The following PSMG3 variants were observed in gnomAD, a reference collection of about 807,000 sequenced individuals.
PSMG3 encodes the protein PAC-3.
A neutral mutation model predicts 7.9 loss-of-function variants in PSMG3; 4 were observed. The ratio of observed to expected loss-of-function variants is 0.51; its 90% CI spans 0.25 to 1.16. The LOEUF (loss-of-function observed/expected upper bound fraction) is 1.16. PSMG3 is among the 50% of genes most tolerant of loss of function. The pLI, the probability that PSMG3 is intolerant of heterozygous loss-of-function variation, is 0.15. For missense variants in PSMG3, 151 were observed against 157.4 expected (o/e 0.96, Z 0.22); for synonymous variants, 81 against 69.8 (o/e 1.16, Z -0.80).
In PSMG3 at chr7:1,567,425, A is replaced by G; in HGVS notation, c.*273T>C. ...GGCCATGAGCCACGCCTGCTGACTC[A>G]TTCCTCCAATTCTCAAACACAAGCA... On this transcript the variant is annotated 3_prime_UTR_variant, in exon 2 of 2. Coordinates refer to ENST00000288607, the MANE Select transcript of PSMG3 (RefSeq NM_032302.4). 1 of 352,896 alleles carries G rather than the reference A, an allele frequency of 2.8e-6. No homozygotes were observed. The highest frequency in any genetic ancestry group is 5.1e-6 in the Non-Finnish European group (1 of 196,740). 21.9% of individuals were successfully genotyped at this position (352,896 alleles called of 1,614,324 possible).
Position 1,567,397 on chromosome 7 carries a change from G to T in PSMG3, c.*301C>A, listed in dbSNP as rs550563429. 4 of 313,054 alleles carry T rather than the reference G, an allele frequency of 1.3e-5. No individual in the cohort carries two copies. Among genetic ancestry groups the T allele is most frequent in the African/African-American group, 2.1e-5 (1 of 46,568 alleles). 19.4% of individuals were successfully genotyped at this position (313,054 alleles called of 1,614,324 possible). A position where few individuals can be genotyped will look rare whatever the true frequency, so the allele number is the denominator to read the frequency against. Reference sequence around the variant, plus strand: ...CTCCTACAATTGATCCTGCACACGGGGGGGCCATGAGCCACGCCTGCTGAC... The same window carrying T: ...CTCCTACAATTGATCCTGCACACGGTGGGGCCATGAGCCACGCCTGCTGAC... On this transcript the variant is annotated 3_prime_UTR_variant, in exon 2 of 2. Coordinates refer to ENST00000288607, the MANE Select transcript of PSMG3 (RefSeq NM_032302.4).
chr7:1,567,422 C>T lies in PSMG3; in HGVS notation c.*276G>A, dbSNP rs535589739. On this transcript the variant is annotated 3_prime_UTR_variant, in exon 2 of 2. Coordinates refer to ENST00000288607, the MANE Select transcript of PSMG3 (RefSeq NM_032302.4). ...GGGGGCCATGAGCCACGCCTGCTGA[C>T]TCATTCCTCCAATTCTCAAACACAA... 55 of 350,838 alleles carry T rather than the reference C, an allele frequency of 1.6e-4. 1 individual carries two copies. The highest frequency in any genetic ancestry group is 1.1e-3 in the African/African-American group (52 of 47,548). 21.7% of individuals were successfully genotyped at this position (350,838 alleles called of 1,614,324 possible).
At chr7:1,569,093 T>C (rs772801521) in intron 1 of PSMG3, 31 bp downstream of exon 1, 1 of 1,598,660 alleles carries the variant, frequency 6.3e-7, no homozygotes, top group Non-Finnish European at 8.6e-7. Context: ...GTTACAGGCG[T>C]GAGCCACAGT....
Position 1,569,216 on chromosome 7 carries a change from T to A in PSMG3, c.124A>T (p.Met42Leu). ...ILVVVTQFGK[M>L]GTLVSLEPSS... ...GGCTCCAGGGAGACCAGGGTGCCCA[T>A]CTTCCCAAACTGGGTCACCACCACC... Residue 42 changes from methionine (M) to leucine (L), a missense_variant, in exon 1 of 2, where the codon ATG becomes TTG. Met to Leu is a conservative substitution (Grantham distance 15). Coordinates refer to ENST00000288607, the MANE Select transcript of PSMG3 (RefSeq NM_032302.4). The A allele has an allele frequency of 1.2e-6, 2 of 1,613,696 alleles. No individual in the cohort carries two copies. Among genetic ancestry groups the A allele is most frequent in the Non-Finnish European group, 1.7e-6 (2 of 1,180,012 alleles).
At position 1,569,159 on chromosome 7, in the gene PSMG3, C is replaced by T. The variant is rs533954150; in HGVS notation, c.181G>A (p.Val61Met). 1 of 1,613,560 alleles carries T rather than the reference C, an allele frequency of 6.2e-7. No individual in the cohort carries two copies. The highest frequency in any genetic ancestry group is 2.2e-5 in the East Asian group (1 of 44,882). The change falls in exon 1 of 2, where the codon GTG (valine) becomes ATG (methionine). Residue 61 changes from valine (V) to methionine (M), a missense_variant. Coordinates refer to ENST00000288607, the MANE Select transcript of PSMG3 (RefSeq NM_032302.4). The stretch of plus-strand genomic sequence containing the variant: ...CCCAGAAGGACTTTTGTGGTGAGCA[C>T]AGGCTTGCTGACGTCACTGGCCACG... ...SSVASDVSKP[V>M]LTTKVLLGQD...
In PSMG3 at chr7:1,569,244, G is replaced by T; in HGVS notation, c.96C>A (p.Ile32=). The change falls in exon 1 of 2, where the codon ATC becomes ATA. Residue 32 remains isoleucine, a synonymous_variant. Transcript: ENST00000288607. ...TCCCAAACTGGGTCACCACCACCAG[G>T]ATGTGACTGCTGAAGGCCGTACACA... is the stretch of plus-strand genomic sequence containing the variant. ...QVVCTAFSSH[I]LVVVTQFGKM... 2 of 1,613,778 alleles carry T rather than the reference G, an allele frequency of 1.2e-6. No individual in the cohort carries two copies. Among genetic ancestry groups the T allele is most frequent in the Non-Finnish European group, 1.7e-6 (2 of 1,180,014 alleles).
At position 1,567,964 on chromosome 7, in the gene PSMG3, C is replaced by A; in HGVS notation, c.217-114G>T. On this transcript the variant is annotated intron_variant, in intron 1 of 1. Transcript: ENST00000288607. ...GGCAGGCTTCCCACACCACCATTAA[C>A]CGCCACATAAGTCCATGCAACTGTG... The A allele has an allele frequency of 9.5e-6, 9 of 946,300 alleles. No individual in the cohort carries two copies. In the South Asian group the frequency reaches 1.2e-4, roughly 12 times the overall value. The allele number at this position is 946,300 out of a possible 1,614,324, so 58.6% of individuals were successfully genotyped here.
In PSMG3 at chr7:1,567,627, A is replaced by G; in HGVS notation, c.*71T>C. On this transcript the variant is annotated 3_prime_UTR_variant, in exon 2 of 2. Transcript: ENST00000288607. Reference sequence around the variant, plus strand: ...TCCCTCCACCGGGGAGGGAGGTGAGACTTGAGTCCCTGAGTGGGTGTCTGG... The same window carrying G: ...TCCCTCCACCGGGGAGGGAGGTGAGGCTTGAGTCCCTGAGTGGGTGTCTGG... 2.0e-6 allele frequency: 3 copies of G among 1,480,620 alleles called. No individual in the cohort carries two copies. The highest frequency in any genetic ancestry group is 2.7e-6 in the Non-Finnish European group (3 of 1,101,324). The allele number at this position is 1,480,620 out of a possible 1,614,324, so 91.7% of individuals were successfully genotyped here.
Position 1,567,431 on chromosome 7 carries a change from C to A in PSMG3, c.*267G>T. The stretch of plus-strand genomic sequence containing the variant: ...GAGCCACGCCTGCTGACTCATTCCT[C>A]CAATTCTCAAACACAAGCAACGATT... On this transcript the variant is annotated 3_prime_UTR_variant, in exon 2 of 2. Coordinates refer to ENST00000288607, the MANE Select transcript of PSMG3 (RefSeq NM_032302.4). The A allele has an allele frequency of 2.8e-6, 1 of 361,420 alleles. No homozygotes were observed. The highest frequency in any genetic ancestry group is 4.3e-5 in the East Asian group (1 of 23,070). 22.4% of individuals were successfully genotyped at this position (361,420 alleles called of 1,614,324 possible).
Position 1,567,647 on chromosome 7 carries a change from G to A in PSMG3, c.*51C>T. 1 of 1,559,796 alleles carries A rather than the reference G, an allele frequency of 6.4e-7. No homozygotes were observed. Among genetic ancestry groups the A allele is most frequent in the Non-Finnish European group, 8.7e-7 (1 of 1,150,274 alleles). On this transcript the variant is annotated 3_prime_UTR_variant, in exon 2 of 2. Transcript: ENST00000288607. ...GTGAGACTTGAGTCCCTGAGTGGGT[G>A]TCTGGGTGTTCACGTGTCCTGCTGA...
At position 1,567,766 on chromosome 7, in the gene PSMG3, C is replaced by T. The variant is rs140710959; in HGVS notation, c.301G>A (p.Val101Met). Residue 101 changes from valine (V) to methionine (M), a missense_variant, in exon 2 of 2, where the codon GTG becomes ATG. By Grantham distance (21) the Val-to-Met change is conservative. Coordinates refer to ENST00000288607, the MANE Select transcript of PSMG3 (RefSeq NM_032302.4). ...GNRAVLLAVA[V>M]KDKSMEGLKA... Reference sequence around the variant, plus strand: ...AGCCCCTCCATGCTTTTGTCCTTCACGGCCACGGCGAGGAGGACTGCTCTG... The same window carrying T: ...AGCCCCTCCATGCTTTTGTCCTTCATGGCCACGGCGAGGAGGACTGCTCTG... The T allele has an allele frequency of 1.2e-5, 19 of 1,614,034 alleles. No individual in the cohort carries two copies. Among genetic ancestry groups the T allele is most frequent in the Admixed American group, 8.3e-5 (5 of 59,998 alleles).
Position 1,569,354 on chromosome 7 carries a change from G to A in PSMG3, c.-15C>T, listed in dbSNP as rs371070396. 175 of 1,581,328 alleles carry A rather than the reference G, an allele frequency of 1.1e-4. No individual in the cohort carries two copies. In the African/African-American group the frequency reaches 1.8e-3, roughly 17 times the overall value. ...GTGTCTTCCATGGCGGGGCTCTGCA[G>A]TGGCAGCTTTAATTTAGGTTAAAAA... On this transcript the variant is annotated 5_prime_UTR_variant, in exon 1 of 2. Transcript: ENST00000288607.
Position 1,569,440 on chromosome 7 carries a change from A to T in PSMG3, c.-101T>A. 1.0e-6 allele frequency: 1 copy of T among 992,978 alleles called. No individual in the cohort carries two copies. Among genetic ancestry groups the T allele is most frequent in the South Asian group, 1.7e-5 (1 of 58,962 alleles). The allele number at this position is 992,978 out of a possible 1,614,324, so 61.5% of individuals were successfully genotyped here. Reference sequence around the variant, plus strand: ...GCCTTGGGGCTCCCAAAAAAGTAGCACGGGGCATTGAAACGGAAACGCAAG... The same window carrying T: ...GCCTTGGGGCTCCCAAAAAAGTAGCTCGGGGCATTGAAACGGAAACGCAAG... On this transcript the variant is annotated 5_prime_UTR_variant, in exon 1 of 2. Transcript: ENST00000288607.
Position 1,569,616 on chromosome 7 carries a change from A to C in PSMG3, c.-277T>G, listed in dbSNP as rs1778848490. 2 of 313,988 alleles carry C rather than the reference A, an allele frequency of 6.4e-6. No individual in the cohort carries two copies. Among genetic ancestry groups the C allele is most frequent in the Admixed American group, 9.2e-5 (2 of 21,642 alleles). The allele number at this position is 313,988 out of a possible 1,614,324, so 19.5% of individuals were successfully genotyped here. On this transcript the variant is annotated 5_prime_UTR_variant, in exon 1 of 2. Coordinates refer to ENST00000288607, the MANE Select transcript of PSMG3 (RefSeq NM_032302.4). ...ACCCCCATCTCTACCAAAAAAAAAA[A>C]AAAAAAAAACCAGCAGGGCGCGCCT...
At chr7:1,567,930 A>G (rs1198070960) in intron 1 of PSMG3, 80 bp from the exon 2 acceptor site, 1 of 1,434,196 alleles carries the variant, frequency 7.0e-7, no homozygotes, top group East Asian at 2.4e-5. Context: ...AGTATCCCTT[A>G]GGAACCCAGG....
Position 1,569,152 on chromosome 7 carries a change from G to C in PSMG3, c.188C>G (p.Thr63Ser). The change falls in exon 1 of 2, where the codon ACC (threonine) becomes AGC (serine). Residue 63 changes from threonine to serine, a missense_variant. Coordinates refer to ENST00000288607, the MANE Select transcript of PSMG3 (RefSeq NM_032302.4). ...ATCCTGCCCCAGAAGGACTTTTGTGGTGAGCACAGGCTTGCTGACGTCACT... is the reference window on the plus strand; with the variant it reads ...ATCCTGCCCCAGAAGGACTTTTGTGCTGAGCACAGGCTTGCTGACGTCACT... ...VASDVSKPVL[T>S]TKVLLGQDEP... 6.2e-7 allele frequency: 1 copy of C among 1,613,592 alleles called. No individual in the cohort carries two copies. Among genetic ancestry groups the C allele is most frequent in the Non-Finnish European group, 8.5e-7 (1 of 1,180,038 alleles).
chr7:1,569,209 G>A lies in PSMG3; in HGVS notation c.131C>T (p.Thr44Ile). ...GCTGCTGGGCTCCAGGGAGACCAGG[G>A]TGCCCATCTTCCCAAACTGGGTCAC... is the stretch of plus-strand genomic sequence containing the variant. ...VVVTQFGKMG[T>I]LVSLEPSSVA... The change falls in exon 1 of 2, where the codon ACC becomes ATC. Residue 44 changes from threonine to isoleucine, a missense_variant. By Grantham distance (89) the Thr-to-Ile change is moderately conservative (BLOSUM62 -1). Transcript: ENST00000288607. 1.2e-6 allele frequency: 2 copies of A among 1,613,684 alleles called. No homozygotes were observed. The highest frequency in any genetic ancestry group is 1.7e-6 in the Non-Finnish European group (2 of 1,180,028).
Position 1,567,831 on chromosome 7 carries a change from G to A in PSMG3, c.236C>T (p.Ala79Val). Residue 79 changes from alanine to valine, a missense_variant, in exon 2 of 2, where the codon GCA (alanine) becomes GTA (valine). By Grantham distance (64) the Ala-to-Val change is moderately conservative. Transcript: ENST00000288607. ...AGACACAAACGCTACCAGGTTCTTTGCAAAGACATGGATGAGAGGCTGGTA... is the reference window on the plus strand; with the variant it reads ...AGACACAAACGCTACCAGGTTCTTTACAAAGACATGGATGAGAGGCTGGTA... ...GQDEPLIHVF[A>V]KNLVAFVSQE... 1 of 1,613,758 alleles carries A rather than the reference G, an allele frequency of 6.2e-7. No individual in the cohort carries two copies. The highest frequency in any genetic ancestry group is 8.5e-7 in the Non-Finnish European group (1 of 1,179,892).
intron 1 of PSMG3, among the ~76,000 whole-genome samples, chr7:1,568,814 A>C (rs11765898): frequency 6.6e-6 from 1 of 151,986 alleles, no homozygotes; most frequent in Admixed American, 6.5e-5. Context: ...CACCCAGCTA[A>C]TTTTTATATT....
Sources: gnomAD v4.1 joint callset for allele counts (sites outside exome capture counted in the v4.1 genomes callset) on GRCh38, gnomAD v4.1.1 for gene constraint, MANE v1.5 for transcripts, NCBI Gene and HGNC (gene_info 2026-07-23, HGNC 2026-07-21) for gene names.